The following MRAP2 variants were observed in gnomAD, a reference collection of about 807,000 sequenced individuals.
MRAP2 encodes melanocortin 2 receptor accessory protein 2.
MRAP2 carries 20 observed loss-of-function variants against 17.4 expected under a neutral mutation model. The observed-to-expected ratio is 1.15, with a 90% CI of 0.81 to 1.67. The LOEUF (loss-of-function observed/expected upper bound fraction) is 1.67, where lower values mean the gene tolerates loss of function less well. MRAP2 is among the 40% of genes most tolerant of loss of function. The pLI, the probability that MRAP2 is intolerant of heterozygous loss-of-function variation, is 0.00. For missense variants in MRAP2, 238 were observed against 240.0 expected (o/e 0.99, Z 0.05); for synonymous variants, 96 against 88.4 (o/e 1.09, Z -0.48).
the MRAP2 span, among the ~76,000 whole-genome samples, chr6:84,127,469 T>C: frequency 2.6e-5 from 4 of 152,172 alleles, no homozygotes; most frequent in East Asian, 5.8e-4. Flanking sequence ...CAGACTATAA[T>C]TGGGATGGTT....
At chr6:84,125,212 CTT>C in the MRAP2 span, 1 of 1,613,628 alleles carries the variant, frequency 6.2e-7, no homozygotes. Flanking sequence ...CTGTGCCAGT[CTT>C]TTCCATTTTT....
In MRAP2 at chr6:84,089,473, C is replaced by T. The variant is rs771555726; in HGVS notation, c.610C>T (p.Leu204=). 7 of 1,612,016 alleles carry T rather than the reference C, an allele frequency of 4.3e-6. 1 individual carries two copies. The South Asian group carries it at 7.7e-5, about 18-fold the overall frequency. ...KPLSQTSHKD[L]D ...ACTTTCCCAGACCTCACACAAAGAC[C>T]TGGATTGAGAAACATGCTCTGTAAA... Residue 204 remains leucine (L), a synonymous_variant, in exon 4 of 4, where the codon CTG becomes TTG. Coordinates refer to ENST00000257776, the MANE Select transcript of MRAP2 (RefSeq NM_138409.4).
the MRAP2 span, chr6:84,124,983 T>C: frequency 1.0e-6 from 1 of 987,114 alleles, no homozygotes; most frequent in Non-Finnish European, 1.5e-6. Context: ...ATTGGAACAC[T>C]TGTTTTTCAT....
At chr6:84,060,234 C>T (rs1237243457) in intron 2 of MRAP2, among the ~76,000 whole-genome samples, 1 of 152,184 alleles carries the variant, frequency 6.6e-6, no homozygotes, top group Admixed American at 6.5e-5. Context: ...CCACAGCCTG[C>T]CTCTCCCCAA....
intron 1 of MRAP2, among the ~76,000 whole-genome samples, chr6:84,048,555 C>T (rs1046259464): frequency 1.3e-5 from 2 of 152,140 alleles, no homozygotes; most frequent in Non-Finnish European, 2.9e-5. Context: ...CTAGAAAAGG[C>T]GAGAGTTAAG....
At chr6:84,106,985 T>C in the MRAP2 span, among the ~76,000 whole-genome samples, 2 of 152,142 alleles carry the variant, frequency 1.3e-5, no homozygotes, top group African/African-American at 2.4e-5. Context: ...TGGATGATGG[T>C]AGGGCCTTGC....
chr6:84,049,500 A>G (rs1378632511), intron 1 of MRAP2, among the ~76,000 whole-genome samples: 5 of 152,174 alleles, frequency 3.3e-5, no homozygotes, highest in Non-Finnish European at 5.9e-5. Flanking sequence ...TTACTACTAT[A>G]TAGGTGCCCA....
rs139497653 is a variant in MRAP2, at chr6:84,044,140, A to G, written c.-8+10257A>G. Among the ~76,000 whole-genome samples, 1,198 of 152,302 alleles carry G rather than the reference A, an allele frequency of 7.9e-3. 16 individuals carry two copies. Among genetic ancestry groups the G allele is most frequent in the African/African-American group, 0.027 (1,140 of 41,556 alleles). The stretch of plus-strand genomic sequence containing the variant: ...CCTATATGAATTTCCTCGGGCTGCC[A>G]TAACAAAATACCACAGACTGGGTAG... On this transcript the variant is annotated intron_variant, in intron 1 of 3. Coordinates refer to ENST00000257776, the MANE Select transcript of MRAP2 (RefSeq NM_138409.4).
the MRAP2 span, among the ~76,000 whole-genome samples, chr6:84,111,261 TGTGTCCTCTCTTATTTTCTTGA>T: frequency 6.6e-6 from 1 of 152,342 alleles, no homozygotes. Flanking sequence ...TCCATTTGTT[TGTGTCCTCTCTTATTTTCTTGA>T]GTGGTGGTTT....
the MRAP2 span, among the ~76,000 whole-genome samples, chr6:84,103,287 G>T: frequency 2.0e-5 from 3 of 152,180 alleles, no homozygotes; most frequent in African/African-American, 7.2e-5. Flanking sequence ...GATAAAATCT[G>T]TGGGGATTTG....
At chr6:84,109,516 T>G in the MRAP2 span, among the ~76,000 whole-genome samples, 1 of 152,142 alleles carries the variant, frequency 6.6e-6, no homozygotes, top group African/African-American at 2.4e-5. Context: ...TTTTGCACAT[T>G]GATTTTGTAT....
At chr6:84,139,921 C>G in the MRAP2 span, among the ~76,000 whole-genome samples, 2 of 105,008 alleles carry the variant, frequency 1.9e-5, no homozygotes, top group African/African-American at 2.4e-4. Flanking sequence ...GTTGTTCCAG[C>G]CACCCTCTCA....
At position 84,089,262 on chromosome 6, in the gene MRAP2, C is replaced by T. The variant is rs2099501226; in HGVS notation, c.399C>T (p.His133=). 1 of 1,614,172 alleles carries T rather than the reference C, an allele frequency of 6.2e-7. No homozygotes were observed. The highest frequency in any genetic ancestry group is 8.5e-7 in the Non-Finnish European group (1 of 1,180,030). ...GCTTGGACAGAGCCAAAGCTTGTCACCAGACCACAGCCCTTGACAGTGACG... is the reference window on the plus strand; with the variant it reads ...GCTTGGACAGAGCCAAAGCTTGTCATCAGACCACAGCCCTTGACAGTGACG... ...VERLDRAKAC[H]QTTALDSDVQ... The change falls in exon 4 of 4, where the codon CAC becomes CAT. Residue 133 remains histidine (H), a synonymous_variant. Transcript: ENST00000257776.
intron 1 of MRAP2, among the ~76,000 whole-genome samples, chr6:84,054,126 G>A (rs1274834038): frequency 1.3e-5 from 2 of 152,146 alleles, no homozygotes; most frequent in Non-Finnish European, 2.9e-5. Context: ...TGACTGCTCA[G>A]TGAATCTTTG....
chr6:84,083,054 G>T (rs2129174606), intron 3 of MRAP2, among the ~76,000 whole-genome samples: 1 of 151,966 alleles, frequency 6.6e-6, no homozygotes, highest in Admixed American at 6.6e-5. Context: ...CCCGACCCCG[G>T]CCAATAGAAA....
intron 1 of MRAP2, chr6:84,045,276 G>A (rs2099488678): frequency 1.0e-6 from 1 of 985,348 alleles, no homozygotes; most frequent in Non-Finnish European, 1.2e-6. Context: ...ACTTGAATAA[G>A]GTGTTGGTGG....
chr6:84,110,820 G>A, the MRAP2 span, among the ~76,000 whole-genome samples: 2 of 152,100 alleles, frequency 1.3e-5, no homozygotes, highest in African/African-American at 4.8e-5. Flanking sequence ...TCTGCATATG[G>A]CTAGCCTGTT....
the MRAP2 span, among the ~76,000 whole-genome samples, chr6:84,135,008 C>CAT: frequency 1.3e-5 from 2 of 151,496 alleles, no homozygotes; most frequent in African/African-American, 4.9e-5. Flanking sequence ...TGCATACATA[C>CAT]ATACATGAAC....
intron 1 of MRAP2, among the ~76,000 whole-genome samples, chr6:84,045,549 G>T (rs185037172): frequency 1.3e-5 from 2 of 152,262 alleles, no homozygotes; most frequent in Non-Finnish European, 2.9e-5. Flanking sequence ...AATCGCTTGA[G>T]GCCAGGAGTT....
Sources: gnomAD v4.1 joint callset for allele counts (sites outside exome capture counted in the v4.1 genomes callset) on GRCh38, gnomAD v4.1.1 for gene constraint, MANE v1.5 for transcripts, NCBI Gene and HGNC (gene_info 2026-07-23, HGNC 2026-07-21) for gene names.